The following TEX11 variants were observed in gnomAD, a reference collection of about 807,000 sequenced individuals.
The protein encoded by TEX11 is testis expressed 11.
TEX11 carries 7 observed loss-of-function variants against 84.4 expected under a neutral mutation model. That is an observed-to-expected ratio of 0.08 (90% confidence interval 0.05 to 0.16). The LOEUF is 0.16. Among genes scored for constraint, TEX11 ranks in the 10% least tolerant of loss-of-function variants. The pLI is 1.00. For missense variants in TEX11, 551 were observed against 660.5 expected (o/e 0.83, Z 1.82); for synonymous variants, 264 against 222.8 (o/e 1.18, Z -1.64).
intron 8 of TEX11, among the ~76,000 whole-genome samples, chrX:70,811,596 G>A (rs774224514): frequency 4.5e-5 from 5 of 110,723 alleles, no homozygotes; most frequent in African/African-American, 1.3e-4. Flanking sequence ...CTGAGGAATC[G>A]CCACACTGTC....
At chrX:70,548,533 C>T (rs1370439354) in intron 28 of TEX11, among the ~76,000 whole-genome samples, 1 of 111,559 alleles carries the variant, frequency 9.0e-6, no homozygotes, top group Non-Finnish European at 1.9e-5. Flanking sequence ...CAATCTTGAA[C>T]TGCCAATGCC....
At chrX:70,605,712 G>C (rs990174944) in intron 23 of TEX11, among the ~76,000 whole-genome samples, 195 bp from the exon 24 acceptor site, 1 of 111,856 alleles carries the variant, frequency 8.9e-6, no homozygotes, top group Admixed American at 9.5e-5. Flanking sequence ...ATTGTTTTTA[G>C]TACCTTCCTA....
chrX:70,734,365 C>A (rs775941463), intron 11 of TEX11, among the ~76,000 whole-genome samples: 7 of 110,796 alleles, frequency 6.3e-5, no homozygotes, highest in African/African-American at 2.3e-4. Context: ...ATGAGAAACT[C>A]TGGGAGTATT....
intron 25 of TEX11, among the ~76,000 whole-genome samples, chrX:70,561,050 C>T (rs2088366200): frequency 1.9e-5 from 2 of 108,006 alleles, no homozygotes; most frequent in Admixed American, 2.0e-4. Context: ...CACACACAGC[C>T]CCAGCTGGGA....
In TEX11 at chrX:70,690,156, C is replaced by G. The variant is rs780461892; in HGVS notation, c.1005-7331G>C. 3.6e-5 allele frequency among the ~76,000 whole-genome samples: 4 copies of G among 111,186 alleles called. 1 individual carries two copies. In the South Asian group the frequency reaches 1.5e-3, roughly 43 times the overall value. On this transcript the variant is annotated intron_variant, in intron 13 of 29. Transcript: ENST00000374333. ...AATGAAGTCCAAGGAGATATGACAACTAAATGTAATGTGATATCACAGGTA... is the reference window on the plus strand; with the variant it reads ...AATGAAGTCCAAGGAGATATGACAAGTAAATGTAATGTGATATCACAGGTA...
chrX:70,780,335 C>T, intron 9 of TEX11, among the ~76,000 whole-genome samples: 1 of 112,576 alleles, frequency 8.9e-6, no homozygotes, highest in Admixed American at 9.4e-5. Context: ...GCCAGGTTTT[C>T]CATTCAAAGA....
chrX:70,779,414 C>CAAA (rs1401892562), intron 9 of TEX11, among the ~76,000 whole-genome samples: 1 of 42,502 alleles, frequency 2.4e-5, no homozygotes, highest in African/African-American at 8.5e-5. Flanking sequence ...GACCCCGTCT[C>CAAA]AAAAAAAAAA....
intron 9 of TEX11, among the ~76,000 whole-genome samples, chrX:70,775,958 G>A (rs768631827): frequency 9.2e-6 from 1 of 108,803 alleles, no homozygotes; most frequent in South Asian, 4.1e-4. Flanking sequence ...AATGGATGGT[G>A]GCAAGGATGC....
At chrX:70,615,280 A>G (rs1371772493) in intron 20 of TEX11, among the ~76,000 whole-genome samples, 1 of 111,588 alleles carries the variant, frequency 9.0e-6, no homozygotes, top group African/African-American at 3.3e-5. Flanking sequence ...GTTTTGAGGA[A>G]ATTCAAATTC....
chrX:70,738,051 A>T (rs2090708987), intron 11 of TEX11, among the ~76,000 whole-genome samples: 1 of 112,121 alleles, frequency 8.9e-6, no homozygotes, highest in African/African-American at 3.2e-5. Context: ...CAAAGACTTC[A>T]TGTCTAAAAC....
chrX:70,742,491 G>A (rs1367955819), intron 10 of TEX11, among the ~76,000 whole-genome samples: 1 of 109,752 alleles, frequency 9.1e-6, no homozygotes, highest in East Asian at 2.9e-4. Context: ...AACCTTGGGA[G>A]GCCAAGGTGG....
chrX:70,776,037 G>A (rs1019909442), intron 9 of TEX11, among the ~76,000 whole-genome samples: 2 of 85,900 alleles, frequency 2.3e-5, no homozygotes, highest in Non-Finnish European at 4.9e-5. Context: ...GGAGAAGAGC[G>A]TGGAGATTTC....
intron 20 of TEX11, among the ~76,000 whole-genome samples, chrX:70,615,217 G>A (rs778899227): frequency 7.2e-5 from 8 of 111,695 alleles, no homozygotes; most frequent in Non-Finnish European, 1.5e-4. Flanking sequence ...CCAGGGACCA[G>A]TTCTGGAGAA....
chrX:70,713,024 C>A (rs1463287096), intron 13 of TEX11, among the ~76,000 whole-genome samples: 1 of 111,418 alleles, frequency 9.0e-6, no homozygotes, highest in African/African-American at 3.3e-5. Context: ...TTGTCAAAGG[C>A]CTTTTCTGCA....
chrX:70,540,183 C>T (rs899130860), intron 28 of TEX11, among the ~76,000 whole-genome samples: 1 of 111,914 alleles, frequency 8.9e-6, no homozygotes, highest in African/African-American at 3.2e-5. Context: ...TCTCAAATAA[C>T]GAAAAAAGAC....
intron 15 of TEX11, among the ~76,000 whole-genome samples, chrX:70,677,915 G>A (rs2090087646): frequency 1.0e-5 from 1 of 100,098 alleles, no homozygotes; most frequent in South Asian, 5.3e-4. Context: ...CCGGGTTCAA[G>A]CGATTCCCCT....
intron 2 of TEX11, among the ~76,000 whole-genome samples, chrX:70,907,497 C>T (rs1396228099): frequency 1.8e-5 from 2 of 111,119 alleles, no homozygotes; most frequent in African/African-American, 6.6e-5. Context: ...AACTCTGCCT[C>T]CCAGGTTCAA....
At chrX:70,531,508 GA>G (rs1569310975) in intron 28 of TEX11, among the ~76,000 whole-genome samples, 2 of 105,966 alleles carry the variant, frequency 1.9e-5, no homozygotes, top group South Asian at 8.2e-4. Flanking sequence ...TGTTGTGAAT[GA>G]AAAAAATGAC....
intron 25 of TEX11, among the ~76,000 whole-genome samples, chrX:70,587,029 A>G (rs890682396): frequency 5.3e-5 from 6 of 112,345 alleles, no homozygotes; most frequent in Non-Finnish European, 7.5e-5. Context: ...ATGCTTTAGC[A>G]AAGAGACTGG....
Sources: gnomAD v4.1 joint callset for allele counts (sites outside exome capture counted in the v4.1 genomes callset) on GRCh38, gnomAD v4.1.1 for gene constraint, MANE v1.5 for transcripts, NCBI Gene and HGNC (gene_info 2026-07-23, HGNC 2026-07-21) for gene names.